PXDNL: variants seen among roughly 807,000 people sequenced by gnomAD.
PXDNL encodes the protein peroxidasin like.
Under a neutral mutation model 150.8 loss-of-function variants are expected in PXDNL, and 145 were observed. That is an observed-to-expected ratio of 0.96 (90% CI 0.84 to 1.10). The LOEUF (loss-of-function observed/expected upper bound fraction) is 1.10, where lower values mean the gene tolerates loss of function less well. Ranked by LOEUF, PXDNL falls within the 50% of genes least tolerant of loss-of-function variation. The pLI is 0.00. For synonymous variants in PXDNL, 757 were observed against 725.7 expected (o/e 1.04, Z -0.69); for missense variants, 2,087 against 1,873.9 (o/e 1.11, Z -2.10).
chr8:51,727,990 TA>T (rs1816845554), intron 1 of PXDNL, among the ~76,000 whole-genome samples: 2 of 152,232 alleles, frequency 1.3e-5, no homozygotes, highest in Non-Finnish European at 2.9e-5. Flanking sequence ...TTTGTTCTCT[TA>T]AATTTCACAT....
intron 12 of PXDNL, chr8:51,436,452 G>A (rs541705857): frequency 1.9e-5 from 7 of 359,368 alleles, no homozygotes; most frequent in East Asian, 6.7e-5. Flanking sequence ...ATCAGCAAGC[G>A]AAAGATGTGC....
chr8:51,700,482 CACATAT>C (rs1816232860), intron 1 of PXDNL, among the ~76,000 whole-genome samples: 1 of 151,898 alleles, frequency 6.6e-6, no homozygotes, highest in African/African-American at 2.4e-5. Flanking sequence ...CATGCATACA[CACATAT>C]ACATATATAC....
At chr8:51,649,363 G>A (rs4469447) in intron 2 of PXDNL, among the ~76,000 whole-genome samples, 82,623 of 152,088 alleles carry the variant, frequency 0.54, 27,458 homozygotes, top group Non-Finnish European at 0.72. Flanking sequence ...CCCATTAAAC[G>A]TACTGTGTTT....
intron 1 of PXDNL, among the ~76,000 whole-genome samples, chr8:51,785,466 G>A (rs2129252025): frequency 6.6e-6 from 1 of 152,310 alleles, no homozygotes; most frequent in South Asian, 2.1e-4. Flanking sequence ...AAGGTCTGTG[G>A]CAACCCTGAG....
chr8:51,356,611 CA>C (rs1806518213), intron 19 of PXDNL, among the ~76,000 whole-genome samples: 1 of 151,780 alleles, frequency 6.6e-6, no homozygotes, highest in African/African-American at 2.4e-5. Context: ...TATTAAATCT[CA>C]AAGAAAATTT....
chr8:51,438,894 C>G (rs948157697), intron 12 of PXDNL, among the ~76,000 whole-genome samples: 9 of 152,118 alleles, frequency 5.9e-5, no homozygotes, highest in African/African-American at 9.7e-5. Flanking sequence ...AAACTGGATC[C>G]TCATCTTTCA....
At chr8:51,696,004 T>C (rs1284183255) in intron 1 of PXDNL, among the ~76,000 whole-genome samples, 2 of 152,204 alleles carry the variant, frequency 1.3e-5, no homozygotes, top group Admixed American at 6.5e-5. Context: ...TTTCCTAAAA[T>C]ACTGCACAAA....
chr8:51,470,757 G>A (rs972909295), intron 8 of PXDNL, among the ~76,000 whole-genome samples: 1 of 152,046 alleles, frequency 6.6e-6, no homozygotes, highest in African/African-American at 2.4e-5. Flanking sequence ...TTTAATAAAT[G>A]GTATTGGGAA....
intron 4 of PXDNL, among the ~76,000 whole-genome samples, chr8:51,500,088 A>G (rs1340428700): frequency 6.6e-6 from 1 of 152,210 alleles, no homozygotes; most frequent in Admixed American, 6.5e-5. Context: ...TAAAATGTTT[A>G]AAGTAAGCAA....
intron 1 of PXDNL, among the ~76,000 whole-genome samples, chr8:51,712,754 C>T (rs575053405): frequency 2.0e-5 from 3 of 152,308 alleles, no homozygotes; most frequent in South Asian, 2.1e-4. Context: ...GCTCAGGAAA[C>T]TGTATAATTG....
intron 8 of PXDNL, among the ~76,000 whole-genome samples, chr8:51,460,640 C>T (rs773636425): frequency 6.6e-6 from 1 of 151,612 alleles, no homozygotes; most frequent in Non-Finnish European, 1.5e-5. Flanking sequence ...TAGTCCTGAT[C>T]AGGTCCTAAA....
At chr8:51,768,358 T>C (rs567480452) in intron 1 of PXDNL, among the ~76,000 whole-genome samples, 1 of 152,230 alleles carries the variant, frequency 6.6e-6, no homozygotes, top group East Asian at 1.9e-4. Context: ...AGAATTTAAC[T>C]GACTTGTTCA....
chr8:51,689,025 G>A (rs760564050), intron 1 of PXDNL, among the ~76,000 whole-genome samples: 5 of 152,244 alleles, frequency 3.3e-5, no homozygotes, highest in South Asian at 2.1e-4. Context: ...ATTAGGAATC[G>A]GGAATCGGCC....
Position 51,344,199 on chromosome 8 carries a change from A to T in PXDNL, c.4016+1634T>A, listed in dbSNP as rs190160000. ...AATTCATGGGAACCTCAAACTCCTT[A>T]GCTCAAGACATTTTCCTGCCTCAGC... On this transcript the variant is annotated intron_variant, in intron 20 of 22. Coordinates refer to ENST00000356297, the MANE Select transcript of PXDNL (RefSeq NM_144651.5). Among the ~76,000 whole-genome samples the T allele has an allele frequency of 2.2e-4, 33 of 152,120 alleles. No homozygotes were observed. In the East Asian group the frequency reaches 6.0e-3, roughly 28 times the overall value.
At position 51,409,567 on chromosome 8, in the gene PXDNL, A is replaced by C. The variant is rs377539074; in HGVS notation, c.2063-6T>G. The C allele has an allele frequency of 1.2e-4, 182 of 1,552,448 alleles. No homozygotes were observed. The African/African-American group carries it at 2.4e-3, about 20-fold the overall frequency. On this transcript the variant is annotated splice_region_variant and splice_polypyrimidine_tract_variant and intron_variant, in intron 16 of 22. Transcript: ENST00000356297. Reference sequence around the variant, plus strand: ...CAAGTCATTGTACCGGAATTCTGAAAGGCAAGCGGCGAAAGCCGTGAGGAG... The same window carrying C: ...CAAGTCATTGTACCGGAATTCTGAACGGCAAGCGGCGAAAGCCGTGAGGAG...
At chr8:51,490,637 CAT>C (rs753790797) in intron 5 of PXDNL, among the ~76,000 whole-genome samples, 2 of 139,884 alleles carry the variant, frequency 1.4e-5, no homozygotes, top group Admixed American at 7.0e-5. Flanking sequence ...TATATATATA[CAT>C]ATATATACAT....
chr8:51,737,803 T>A (rs1817069221), intron 1 of PXDNL, among the ~76,000 whole-genome samples: 1 of 150,578 alleles, frequency 6.6e-6, no homozygotes, highest in South Asian at 2.2e-4. Flanking sequence ...CTGGCCCCCA[T>A]TAATACTCAT....
intron 3 of PXDNL, among the ~76,000 whole-genome samples, chr8:51,558,908 G>A (rs1464099657): frequency 6.6e-6 from 1 of 152,010 alleles, no homozygotes; most frequent in Non-Finnish European, 1.5e-5. Flanking sequence ...TTATCAACGG[G>A]CAGCCAAATA....
At chr8:51,506,154 G>T (rs1404051383) in intron 4 of PXDNL, among the ~76,000 whole-genome samples, 3 of 152,068 alleles carry the variant, frequency 2.0e-5, no homozygotes, top group African/African-American at 7.2e-5. Context: ...ATTATAAAGA[G>T]AATTATATTT....
Sources: gnomAD v4.1 joint callset for allele counts (sites outside exome capture counted in the v4.1 genomes callset) on GRCh38, gnomAD v4.1.1 for gene constraint, MANE v1.5 for transcripts, NCBI Gene and HGNC (gene_info 2026-07-23, HGNC 2026-07-21) for gene names.